ANKS1B: variants seen among roughly 807,000 people sequenced by gnomAD.
ANKS1B encodes ankyrin repeat and sterile alpha motif domain-containing protein 1B.
In ANKS1B, 36 loss-of-function variants were observed where a neutral mutation model predicts 148.3. That is an observed-to-expected ratio of 0.24 (90% CI 0.19 to 0.32). The LOEUF (loss-of-function observed/expected upper bound fraction) is 0.32, where lower values mean the gene tolerates loss of function less well. Ranked by LOEUF, ANKS1B falls within the 10% of genes least tolerant of loss-of-function variation. The pLI is 1.00. For missense variants in ANKS1B, 1,157 were observed against 1,542.6 expected (o/e 0.75, Z 4.19); for synonymous variants, 542 against 560.8 (o/e 0.97, Z 0.47).
intron 10 of ANKS1B, among the ~76,000 whole-genome samples, chr12:99,468,339 G>A (rs973284443): frequency 6.6e-6 from 1 of 152,160 alleles, no homozygotes; most frequent in African/African-American, 2.4e-5. Context: ...AAAAACCCTA[G>A]AAGAAAATCT....
chr12:99,388,657 C>CTGGG lies in ANKS1B; in HGVS notation c.1756+10970_1756+10973dup, dbSNP rs543584630. On this transcript the variant is annotated intron_variant, in intron 12 of 26. Coordinates refer to ENST00000683438, the MANE Select transcript of ANKS1B (RefSeq NM_001352186.2). ...AGAGTCAGGAGTCTGGGTGGCTTAA[C>CTGGG]TGGGCCCTCTGCTCAGGGTCTCATT... Among the ~76,000 whole-genome samples, 430 of 152,314 alleles carry CTGGG rather than the reference C, an allele frequency of 2.8e-3. 5 individuals carry two copies. Among genetic ancestry groups the CTGGG allele is most frequent in the Middle Eastern group, 0.017 (5 of 294 alleles).
At chr12:99,478,617 T>C (rs2096363742) in intron 10 of ANKS1B, among the ~76,000 whole-genome samples, 1 of 152,076 alleles carries the variant, frequency 6.6e-6, no homozygotes, top group South Asian at 2.1e-4. Flanking sequence ...GAAATATTTG[T>C]GTAGTGAGTG....
At chr12:99,961,840 A>C (rs2095416260) in intron 1 of ANKS1B, among the ~76,000 whole-genome samples, 1 of 152,198 alleles carries the variant, frequency 6.6e-6, no homozygotes, top group Admixed American at 6.5e-5. Flanking sequence ...CTGCTGATGA[A>C]TGTCACAAAA....
chr12:99,250,201 G>A (rs2074393462), intron 12 of ANKS1B, among the ~76,000 whole-genome samples: 1 of 152,176 alleles, frequency 6.6e-6, no homozygotes, highest in South Asian at 2.1e-4. Context: ...AGACTCTGGG[G>A]CATAAGAACT....
chr12:99,478,756 G>A (rs1475136101), intron 10 of ANKS1B, among the ~76,000 whole-genome samples: 1 of 151,990 alleles, frequency 6.6e-6, no homozygotes, highest in South Asian at 2.1e-4. Context: ...ACCAATAACC[G>A]ATTGTGAAGC....
chr12:99,138,464 T>C (rs980202854), intron 15 of ANKS1B, among the ~76,000 whole-genome samples: 2 of 152,222 alleles, frequency 1.3e-5, no homozygotes, highest in Admixed American at 6.5e-5. Flanking sequence ...TTCTTCAGCA[T>C]TATCTGGAAT....
At chr12:99,001,690 T>A (rs985696620) in intron 17 of ANKS1B, among the ~76,000 whole-genome samples, 2 of 152,218 alleles carry the variant, frequency 1.3e-5, no homozygotes, top group African/African-American at 4.8e-5. Flanking sequence ...TCTGAGCAAA[T>A]TTCAAGCATG....
At chr12:99,196,183 TTA>T (rs1193101633) in intron 14 of ANKS1B, among the ~76,000 whole-genome samples, 1 of 152,198 alleles carries the variant, frequency 6.6e-6, no homozygotes, top group African/African-American at 2.4e-5. Flanking sequence ...GCAATGGGAA[TTA>T]CTTTTATAAT....
intron 1 of ANKS1B, among the ~76,000 whole-genome samples, chr12:99,896,331 C>A (rs1159305106): frequency 6.6e-6 from 1 of 151,208 alleles, no homozygotes. Flanking sequence ...TTAGATCCTA[C>A]AAATAAGTGA....
chr12:99,231,777 G>C (rs2153952446), intron 14 of ANKS1B, among the ~76,000 whole-genome samples: 1 of 152,098 alleles, frequency 6.6e-6, no homozygotes, highest in African/African-American at 2.4e-5. Context: ...AAACATGAGG[G>C]GCTTGGAAGC....
In ANKS1B at chr12:98,829,748, G is replaced by T. The variant is rs1284252999; in HGVS notation, c.2887-395C>A. On this transcript the variant is annotated intron_variant, in intron 18 of 26. Coordinates refer to ENST00000683438, the MANE Select transcript of ANKS1B (RefSeq NM_001352186.2). This position sits in a 1 kb window ranked among gnomAD's most constrained non-coding sequence, Gnocchi z 5.2. Reference sequence around the variant, plus strand: ...TGAGAAAGCTAAAATGAGACCCAATGGGTCTTGATCCTTCATCAAAGAATG... The same window carrying T: ...TGAGAAAGCTAAAATGAGACCCAATTGGTCTTGATCCTTCATCAAAGAATG... Among the ~76,000 whole-genome samples the T allele has an allele frequency of 2.0e-5, 3 of 152,196 alleles. No homozygotes were observed. Among genetic ancestry groups the T allele is most frequent in the Admixed American group, 6.5e-5 (1 of 15,276 alleles).
rs2098075806 is a variant in ANKS1B, at chr12:99,623,249, A to AAGCT, written c.1272+31814_1272+31817dup. Among the ~76,000 whole-genome samples, 3 of 152,006 alleles carry AAGCT rather than the reference A, an allele frequency of 2.0e-5. No homozygotes were observed. The South Asian group carries it at 6.2e-4, about 31-fold the overall frequency. On this transcript the variant is annotated intron_variant, in intron 9 of 26. Coordinates refer to ENST00000683438, the MANE Select transcript of ANKS1B (RefSeq NM_001352186.2). The stretch of plus-strand genomic sequence containing the variant: ...CCATCAAAAAACTAGGCATCAAAGG[A>AAGCT]AGCTACCTTAAAATAATGAGTCATC...
At chr12:99,353,300 C>T (rs1233578890) in intron 12 of ANKS1B, among the ~76,000 whole-genome samples, 1 of 152,030 alleles carries the variant, frequency 6.6e-6, no homozygotes, top group African/African-American at 2.4e-5. Context: ...TAATACCAAT[C>T]TTATAAATTT....
chr12:99,353,663 T>C (rs991980962), intron 12 of ANKS1B, among the ~76,000 whole-genome samples: 11 of 152,048 alleles, frequency 7.2e-5, no homozygotes, highest in South Asian at 2.1e-4. Flanking sequence ...GCTTGCTCCA[T>C]TATGCCAGGA....
At chr12:99,128,091 A>C (rs1017973261) in intron 15 of ANKS1B, among the ~76,000 whole-genome samples, 1 of 152,190 alleles carries the variant, frequency 6.6e-6, no homozygotes, top group Admixed American at 6.5e-5. Context: ...AAATACTTAT[A>C]ATCGTTTCAA....
rs778481673 is a variant in ANKS1B, at chr12:99,246,342, G to C, written c.2279C>G (p.Ser760Cys). 6.2e-7 allele frequency: 1 copy of C among 1,613,270 alleles called. No individual in the cohort carries two copies. The highest frequency in any genetic ancestry group is 8.5e-7 in the Non-Finnish European group (1 of 1,179,598). ...KTSRVNWSES[S>C]TAEHSSKGNS... ...CCCTTTAGAACTGTGTTCAGCAGTG[G>C]AAGATTCACTCCAGTTAACTCTTGA... is the stretch of plus-strand genomic sequence containing the variant. The change falls in exon 13 of 27, where the codon TCC becomes TGC. Residue 760 changes from serine (S) to cysteine (C), a missense_variant. Physicochemically the swap from Ser to Cys is moderately radical, Grantham distance 112 (BLOSUM62 -1). This residue lies in a region of ANKS1B where 661 missense variants were observed against 642.1 expected (regional missense o/e 1.03). Coordinates refer to ENST00000683438, the MANE Select transcript of ANKS1B (RefSeq NM_001352186.2).
chr12:99,375,306 G>A (rs2093346423), intron 12 of ANKS1B, among the ~76,000 whole-genome samples: 1 of 152,146 alleles, frequency 6.6e-6, no homozygotes, highest in Admixed American at 6.5e-5. Context: ...GGAGGAAGGG[G>A]TAAAATCACC....
chr12:99,321,076 A>T (rs1269835743), intron 12 of ANKS1B, among the ~76,000 whole-genome samples: 1 of 152,152 alleles, frequency 6.6e-6, no homozygotes, highest in Non-Finnish European at 1.5e-5. Flanking sequence ...GCTTCATCTC[A>T]GAGGGACACC....
intron 17 of ANKS1B, among the ~76,000 whole-genome samples, chr12:99,025,489 TG>T (rs2099948221): frequency 6.6e-6 from 1 of 152,198 alleles, no homozygotes; most frequent in African/African-American, 2.4e-5. Context: ...CTTGTACAAT[TG>T]GGGAACTGGT....
Sources: allele counts gnomAD v4.1 joint callset (sites outside exome capture counted in the v4.1 genomes callset), GRCh38; gene constraint gnomAD v4.1.1; regional missense constraint gnomAD v4.1.1; non-coding constraint Gnocchi (gnomAD v3.1); transcripts MANE v1.5; gene names NCBI Gene and HGNC (gene_info 2026-07-23, HGNC 2026-07-21).